Variants in ZSCAN23 observed in about 807,000 individuals in gnomAD.
ZSCAN23 encodes zinc finger and SCAN domain containing 23, also known as zinc finger and SCAN domain-containing protein 23.
ZSCAN23 carries 19 observed loss-of-function variants against 19.3 expected under a neutral mutation model. The ratio of observed to expected loss-of-function variants is 0.99; its 90% CI spans 0.69 to 1.45. The LOEUF (loss-of-function observed/expected upper bound fraction) is 1.45, where lower values mean the gene tolerates loss of function less well. Among genes scored for constraint, ZSCAN23 ranks in the 40% most tolerant of loss-of-function variants. The pLI is 0.00. For missense variants in ZSCAN23, 372 were observed against 462.5 expected, an observed-to-expected ratio of 0.80 and a Z score of 1.79; for synonymous variants, 140 against 166.2, an observed-to-expected ratio of 0.84 and a Z score of 1.21.
chr6:28,425,624 T>C, the ZSCAN23 span, among the ~76,000 whole-genome samples: 2 of 152,094 alleles, frequency 1.3e-5, no homozygotes. Context: ...GCCAGCATGA[T>C]CCTTAAGGAC....
chr6:28,426,736 A>G, the ZSCAN23 span, among the ~76,000 whole-genome samples: 1 of 152,250 alleles, frequency 6.6e-6, no homozygotes, highest in Non-Finnish European at 1.5e-5. Context: ...CAATAAAGCA[A>G]AGTGCAAGTA....
chr6:28,430,560 T>G (rs547119196), downstream of ZSCAN23, among the ~76,000 whole-genome samples: 117 of 152,254 alleles, frequency 7.7e-4, 1 homozygote, highest in African/African-American at 2.6e-3. Flanking sequence ...TCCCCCCGAG[T>G]AACTTAACCA....
intron 2 of ZSCAN23, 42 bp downstream of exon 2, chr6:28,435,817 T>C: frequency 6.6e-7 from 1 of 1,513,442 alleles, no homozygotes; most frequent in Non-Finnish European, 8.8e-7. Flanking sequence ...AACCCCATAC[T>C]TGTTCTTATA....
At chr6:28,424,671 C>T in the ZSCAN23 span, among the ~76,000 whole-genome samples, 1 of 152,200 alleles carries the variant, frequency 6.6e-6, no homozygotes, top group African/African-American at 2.4e-5. Flanking sequence ...CTTTACTCAT[C>T]CATAAGAAGC....
rs1761847225 is a variant in ZSCAN23 at position 28,434,935 on chromosome 6, C to T, written c.700G>A (p.Gly234Ser). 6.4e-6 allele frequency: 10 copies of T among 1,552,044 alleles called. No homozygotes were observed. Among genetic ancestry groups the T allele is most frequent in the Non-Finnish European group, 8.7e-6 (10 of 1,147,128 alleles). ...CTCACCCTTTGCTTTTCCAATCTGCCCTCACGGTCACAGGTATCTCCATAC... is the reference window on the plus strand; with the variant it reads ...CTCACCCTTTGCTTTTCCAATCTGCTCTCACGGTCACAGGTATCTCCATAC... Reference protein sequence around the residue: ...PEYGDTCDREGRLEKQRVSSS... With the variant: ...PEYGDTCDRESRLEKQRVSSS... Residue 234 changes from glycine (G) to serine (S), a missense_variant, in exon 4 of 4, where the codon GGC (glycine) becomes AGC (serine). Gly to Ser is a moderately conservative substitution (Grantham distance 56, BLOSUM62 0). Transcript: ENST00000289788.
chr6:28,441,939 C>T (rs1163828897), intron 1 of ZSCAN23, among the ~76,000 whole-genome samples: 2 of 143,926 alleles, frequency 1.4e-5, no homozygotes, highest in Admixed American at 7.2e-5. Context: ...TGCAGTGGTG[C>T]GATCTCGGCT....
In ZSCAN23 at chr6:28,436,166, G is replaced by A; in HGVS notation, c.101C>T (p.Ser34Leu). Residue 34 changes from serine (S) to leucine (L), a missense_variant, in exon 2 of 4, where the codon TCA becomes TTA. Physicochemically the swap from Ser to Leu is moderately radical, Grantham distance 145. Transcript: ENST00000289788. ...ATGAGGGTTATTTCTTGACAGGCCTGATTCTGGCCCACAGGAATGTTCCTC... is the reference window on the plus strand; with the variant it reads ...ATGAGGGTTATTTCTTGACAGGCCTAATTCTGGCCCACAGGAATGTTCCTC... ...EEEEHSCGPE[S>L]GLSRNNPHTR... is the part of the protein sequence containing the mutation. The A allele has an allele frequency of 6.4e-7, 1 of 1,569,342 alleles. No individual in the cohort carries two copies. The highest frequency in any genetic ancestry group is 1.4e-5 in the African/African-American group (1 of 73,780).
At chr6:28,440,815 A>G (rs1761984469) in intron 1 of ZSCAN23, among the ~76,000 whole-genome samples, 1 of 152,118 alleles carries the variant, frequency 6.6e-6, no homozygotes, top group South Asian at 2.1e-4. Context: ...TTTTCTCTGT[A>G]TACTCTGGGT....
chr6:28,436,373 T>A, intron 1 of ZSCAN23, 30 bp from the exon 2 acceptor site: 1 of 1,235,884 alleles, frequency 8.1e-7, no homozygotes, highest in Non-Finnish European at 1.1e-6. Context: ...GAAAAAAATA[T>A]AAAAATGCAG....
In ZSCAN23 at chr6:28,434,463, A is replaced by T; in HGVS notation, c.*2T>A. The T allele has an allele frequency of 6.5e-7, 1 of 1,536,254 alleles. No individual in the cohort carries two copies. Among genetic ancestry groups the T allele is most frequent in the Non-Finnish European group, 8.8e-7 (1 of 1,138,196 alleles). ...ATATTATCCCCTACCTGTTCCAAGG[A>T]GCTAGCTTGATTCAGCCACTGGGTG... On this transcript the variant is annotated 3_prime_UTR_variant, in exon 4 of 4. Coordinates refer to ENST00000289788, the MANE Select transcript of ZSCAN23 (RefSeq NM_001012455.2).
downstream of ZSCAN23, among the ~76,000 whole-genome samples, chr6:28,430,971 G>T (rs9969098): frequency 0.28 from 42,053 of 151,874 alleles, 6,329 homozygotes; most frequent in African/African-American, 0.39. Context: ...GTACTCCATC[G>T]GTCCCTATAC....
At chr6:28,439,640 G>T (rs1285628729) in intron 1 of ZSCAN23, among the ~76,000 whole-genome samples, 1 of 152,130 alleles carries the variant, frequency 6.6e-6, no homozygotes, top group Non-Finnish European at 1.5e-5. Context: ...GACATTTATA[G>T]TGCTTTTAAC....
At chr6:28,422,866 T>C in the ZSCAN23 span, among the ~76,000 whole-genome samples, 2 of 152,154 alleles carry the variant, frequency 1.3e-5, no homozygotes, top group African/African-American at 2.4e-5. This position sits in a 1 kb window ranked among gnomAD's most constrained non-coding sequence, Gnocchi z 4.0. Flanking sequence ...TTTGGAAAAA[T>C]GCAAAAAGAC....
chr6:28,422,073 T>C, the ZSCAN23 span, among the ~76,000 whole-genome samples: 1 of 152,110 alleles, frequency 6.6e-6, no homozygotes, highest in Non-Finnish European at 1.5e-5. This position sits in a 1 kb window ranked among gnomAD's most constrained non-coding sequence, Gnocchi z 4.0. Flanking sequence ...TAAAATTATA[T>C]ATATATAAAA....
downstream of ZSCAN23, among the ~76,000 whole-genome samples, chr6:28,427,950 G>A (rs1234880105): frequency 3.3e-5 from 5 of 151,982 alleles, no homozygotes; most frequent in Non-Finnish European, 5.9e-5. Context: ...GTGATGGCGC[G>A]TGCCTGTAAT....
downstream of ZSCAN23, among the ~76,000 whole-genome samples, chr6:28,430,018 G>A (rs743990): frequency 1.4e-3 from 208 of 152,300 alleles, no homozygotes; most frequent in Non-Finnish European, 2.2e-3. Context: ...TCACCTTTGT[G>A]AGCGCAGAAG....
At chr6:28,430,391 A>AACCC (rs1761739973), downstream of ZSCAN23, among the ~76,000 whole-genome samples, 1 of 152,016 alleles carries the variant, frequency 6.6e-6, no homozygotes, top group Non-Finnish European at 1.5e-5. Context: ...CCAACCAACC[A>AACCC]ACCAACCCCA....
At chr6:28,427,627 GTTA>G (rs1489931762), downstream of ZSCAN23, among the ~76,000 whole-genome samples, 3 of 152,256 alleles carry the variant, frequency 2.0e-5, no homozygotes, top group Admixed American at 6.5e-5. Context: ...GTAAAAATAT[GTTA>G]TTATAATCTT....
downstream of ZSCAN23, among the ~76,000 whole-genome samples, chr6:28,426,961 T>G (rs1289233018): frequency 6.6e-6 from 1 of 152,150 alleles, no homozygotes; most frequent in South Asian, 2.1e-4. Flanking sequence ...ACTCAGCTAA[T>G]TTTGTATTTT....
Sources: allele counts gnomAD v4.1 joint callset (sites outside exome capture counted in the v4.1 genomes callset), GRCh38; gene constraint gnomAD v4.1.1; non-coding constraint Gnocchi (gnomAD v3.1); transcripts MANE v1.5; gene names NCBI Gene and HGNC (gene_info 2026-07-23, HGNC 2026-07-21).